SLIT3: variants seen among roughly 807,000 people sequenced by gnomAD.
SLIT3 encodes slit guidance ligand 3.
SLIT3 carries 68 observed loss-of-function variants against 184.0 expected under a neutral mutation model. That is an observed-to-expected ratio of 0.37 (90% CI 0.30 to 0.45). The LOEUF is 0.45. SLIT3 is among the 20% of genes least tolerant of loss of function. The pLI is 1.00. For synonymous variants in SLIT3, 831 were observed against 828.6 expected (o/e 1.00, Z -0.05); for missense variants, 1,707 against 2,026.0 (o/e 0.84, Z 3.02).
intron 6 of SLIT3, among the ~76,000 whole-genome samples, chr5:168,824,276 C>A (rs543585747): frequency 6.6e-6 from 1 of 152,166 alleles, no homozygotes; most frequent in Non-Finnish European, 1.5e-5. Flanking sequence ...GTGAGCTCTG[C>A]GCATCTCTTC....
At chr5:169,238,000 T>C (rs1297611727) in intron 3 of SLIT3, among the ~76,000 whole-genome samples, 1 of 152,170 alleles carries the variant, frequency 6.6e-6, no homozygotes, top group African/African-American at 2.4e-5. Context: ...CTTTACACAT[T>C]TGTCAAAAAT....
At chr5:168,674,016 C>T (rs1206253218) in intron 32 of SLIT3, among the ~76,000 whole-genome samples, 1 of 152,140 alleles carries the variant, frequency 6.6e-6, no homozygotes, top group Non-Finnish European at 1.5e-5. Flanking sequence ...TAGCATTGTT[C>T]TAAAAAATAG....
chr5:168,914,673 C>T (rs946137658), intron 4 of SLIT3, among the ~76,000 whole-genome samples: 9 of 152,282 alleles, frequency 5.9e-5, no homozygotes, highest in Non-Finnish European at 1.0e-4. Context: ...TTTTCCGTAG[C>T]GTACTTCTCT....
chr5:169,258,389 C>T (rs1766051001), intron 1 of SLIT3, among the ~76,000 whole-genome samples: 2 of 152,198 alleles, frequency 1.3e-5, no homozygotes, highest in African/African-American at 4.8e-5. Flanking sequence ...AACTTTGCTT[C>T]CCCCACTCCA....
chr5:168,940,087 T>C (rs550869058), intron 4 of SLIT3, among the ~76,000 whole-genome samples: 1 of 152,260 alleles, frequency 6.6e-6, no homozygotes, highest in East Asian at 1.9e-4. Flanking sequence ...AATAAAACTG[T>C]CAGGCAATAA....
At chr5:169,057,547 G>A (rs1758042547) in intron 4 of SLIT3, among the ~76,000 whole-genome samples, 1 of 152,246 alleles carries the variant, frequency 6.6e-6, no homozygotes, top group South Asian at 2.1e-4. Flanking sequence ...GGGTGGCTAA[G>A]AATAGGGAGT....
chr5:168,915,616 CT>C (rs1382951870), intron 4 of SLIT3, among the ~76,000 whole-genome samples: 2 of 151,860 alleles, frequency 1.3e-5, no homozygotes, highest in Non-Finnish European at 2.9e-5. Flanking sequence ...AACATATAAT[CT>C]ATTTAAAATT....
intron 10 of SLIT3, among the ~76,000 whole-genome samples, chr5:168,792,886 C>G (rs917428274): frequency 1.3e-5 from 2 of 152,206 alleles, no homozygotes; most frequent in African/African-American, 2.4e-5. Flanking sequence ...AATTCCACAC[C>G]TGACCTCATG....
chr5:169,222,691 C>T (rs1764652044), intron 3 of SLIT3, among the ~76,000 whole-genome samples: 1 of 152,180 alleles, frequency 6.6e-6, no homozygotes, highest in Admixed American at 6.5e-5. Flanking sequence ...ACAAAGCACT[C>T]AGGAAAGCTT....
At position 168,760,861 on chromosome 5, in the gene SLIT3, C is replaced by T; in HGVS notation, c.1685+1G>A. 1 of 1,612,048 alleles carries T rather than the reference C, an allele frequency of 6.2e-7. No homozygotes were observed. On this transcript the variant is annotated splice_donor_variant, in intron 16 of 35. Coordinates refer to ENST00000519560, the MANE Select transcript of SLIT3 (RefSeq NM_003062.4). LOFTEE classifies it high-confidence loss of function. ...CTGCCAAGTTCCTGAAGTTGACTTA[C>T]ATTTTCCGCAGGTTGGGCAACTTCT...
At chr5:169,082,599 T>C (rs1018766718) in intron 4 of SLIT3, among the ~76,000 whole-genome samples, 8 of 152,188 alleles carry the variant, frequency 5.3e-5, no homozygotes, top group African/African-American at 1.7e-4. Context: ...TCTCTTTCTC[T>C]ACCTACCTAC....
intron 4 of SLIT3, among the ~76,000 whole-genome samples, chr5:169,137,736 C>A (rs866918868): frequency 5.3e-5 from 8 of 151,866 alleles, no homozygotes; most frequent in Non-Finnish European, 1.2e-4. Flanking sequence ...CTAGGGTGAC[C>A]AACTATCCCC....
intron 20 of SLIT3, among the ~76,000 whole-genome samples, chr5:168,746,442 GGGTGTGGCA>G (rs1763820306): frequency 8.3e-6 from 1 of 120,816 alleles, no homozygotes; most frequent in African/African-American, 3.2e-5. Context: ...GTGGTGGTGT[GGGTGTGGCA>G]GTGTGTGGTG....
At chr5:169,180,728 G>C (rs960805405) in intron 4 of SLIT3, among the ~76,000 whole-genome samples, 1 of 152,152 alleles carries the variant, frequency 6.6e-6, no homozygotes, top group African/African-American at 2.4e-5. Context: ...AGCCCCATTA[G>C]ACCTAATGAT....
intron 4 of SLIT3, among the ~76,000 whole-genome samples, chr5:169,029,958 C>T (rs769921186): frequency 3.3e-5 from 5 of 152,194 alleles, no homozygotes; most frequent in Admixed American, 6.5e-5. Context: ...AACACATTCT[C>T]CCCACCTGAA....
At chr5:168,725,452 C>T (rs1448142384) in intron 20 of SLIT3, among the ~76,000 whole-genome samples, 1 of 152,236 alleles carries the variant, frequency 6.6e-6, no homozygotes. Flanking sequence ...AGCTGAAGAA[C>T]ATTTAAGATG....
chr5:168,704,076 G>T (rs934669057), intron 26 of SLIT3, among the ~76,000 whole-genome samples: 2 of 151,488 alleles, frequency 1.3e-5, no homozygotes, highest in East Asian at 3.9e-4. Flanking sequence ...TAGTGGCACT[G>T]GCATGTCCTG....
At chr5:169,147,702 T>A (rs1761971658) in intron 4 of SLIT3, among the ~76,000 whole-genome samples, 1 of 152,198 alleles carries the variant, frequency 6.6e-6, no homozygotes, top group African/African-American at 2.4e-5. Context: ...TTCTCTCTAA[T>A]CCAGCTGAAG....
intron 14 of SLIT3, chr5:168,772,248 G>A (rs911386909): frequency 3.6e-5 from 4 of 112,408 alleles, no homozygotes; most frequent in Non-Finnish European, 7.1e-5. Context: ...CAGGGATGGA[G>A]GAGCTAAGCT....
Sources: gnomAD v4.1 joint callset for allele counts (sites outside exome capture counted in the v4.1 genomes callset) on GRCh38, gnomAD v4.1.1 for gene constraint, MANE v1.5 for transcripts, NCBI Gene and HGNC (gene_info 2026-07-23, HGNC 2026-07-21) for gene names.